SPOCK1: variants seen among roughly 807,000 people sequenced by gnomAD.
SPOCK1 encodes the protein SPARC (osteonectin), cwcv and kazal like domains proteoglycan 1, also known as testican-1.
Under a neutral mutation model 55.3 loss-of-function variants are expected in SPOCK1, and 23 were observed. The observed-to-expected ratio is 0.42, with a 90% CI of 0.30 to 0.59. The LOEUF is 0.59. Among genes scored for constraint, SPOCK1 ranks in the 20% least tolerant of loss-of-function variants. The pLI, the probability that SPOCK1 is intolerant of heterozygous loss-of-function variation, is 0.22. For missense variants in SPOCK1, 499 were observed against 552.5 expected (o/e 0.90, Z 0.97); for synonymous variants, 226 against 221.0 (o/e 1.02, Z -0.20).
chr5:137,030,470 G>A (rs2126985304), intron 6 of SPOCK1, among the ~76,000 whole-genome samples: 1 of 152,278 alleles, frequency 6.6e-6, no homozygotes, highest in South Asian at 2.1e-4. Flanking sequence ...ACTGCAGCTT[G>A]CCAAACAAAA....
At chr5:137,308,974 C>T (rs1757746066) in intron 2 of SPOCK1, among the ~76,000 whole-genome samples, 1 of 151,910 alleles carries the variant, frequency 6.6e-6, no homozygotes, top group Non-Finnish European at 1.5e-5. Context: ...GAGAAATATA[C>T]ATAACATTTT....
At chr5:137,369,679 AG>A (rs1313974208) in intron 2 of SPOCK1, among the ~76,000 whole-genome samples, 1 of 152,206 alleles carries the variant, frequency 6.6e-6, no homozygotes, top group Non-Finnish European at 1.5e-5. Context: ...ACAGTTCTAG[AG>A]GCTGCAAGTC....
intron 2 of SPOCK1, among the ~76,000 whole-genome samples, chr5:137,294,573 C>A (rs1486818577): frequency 6.6e-6 from 1 of 152,228 alleles, no homozygotes. Context: ...GTTGTCACCT[C>A]CCTTATCTCA....
intron 3 of SPOCK1, among the ~76,000 whole-genome samples, chr5:137,247,121 C>A (rs561567629): frequency 6.6e-6 from 1 of 152,134 alleles, no homozygotes; most frequent in Non-Finnish European, 1.5e-5. Flanking sequence ...GAAGAAACCA[C>A]GGAGGGAAGG....
At chr5:136,979,207 C>A in intron 10 of SPOCK1, 125 bp downstream of exon 10, 2 of 1,362,872 alleles carry the variant, frequency 1.5e-6, no homozygotes, top group East Asian at 2.3e-5. Flanking sequence ...GGTTACTATG[C>A]CTCTATTATA....
intron 6 of SPOCK1, chr5:136,992,872 T>C (rs1461347796): frequency 9.1e-6 from 3 of 328,844 alleles, no homozygotes; most frequent in Non-Finnish European, 1.7e-5. Flanking sequence ...GGTCTCACCG[T>C]TGTGTAGCAT....
At chr5:137,356,838 T>TATATATATATATAGAGAGAGAGAGAGAG (rs1554077335) in intron 2 of SPOCK1, among the ~76,000 whole-genome samples, 1 of 5,460 alleles carries the variant, frequency 1.8e-4, no homozygotes, top group Admixed American at 2.8e-3. Context: ...TATATATATA[T>TATATATATATATAGAGAGAGAGAGAGAG]AGAGAGAGAG....
intron 6 of SPOCK1, among the ~76,000 whole-genome samples, chr5:137,043,579 T>A (rs1053603101): frequency 6.6e-6 from 1 of 152,224 alleles, no homozygotes; most frequent in African/African-American, 2.4e-5. Context: ...GTCATATAGA[T>A]AAGCATGTAA....
chr5:137,452,270 T>C (rs995552872), intron 2 of SPOCK1, among the ~76,000 whole-genome samples: 2 of 152,232 alleles, frequency 1.3e-5, no homozygotes, highest in Admixed American at 1.3e-4. Context: ...CAAAATGATA[T>C]GATTAGATGA....
rs146951856 is a variant in SPOCK1, at chr5:137,193,713, G to T, written c.233-53019C>A. On this transcript the variant is annotated intron_variant, in intron 3 of 10. Coordinates refer to ENST00000394945, the MANE Select transcript of SPOCK1 (RefSeq NM_004598.4). Reference sequence around the variant, plus strand: ...TGCTTCATTCTGCCCTCAAACCTTTGGGTACAACTAGCAGAGAAAAATGAG... The same window carrying T: ...TGCTTCATTCTGCCCTCAAACCTTTTGGTACAACTAGCAGAGAAAAATGAG... 1.0e-3 allele frequency among the ~76,000 whole-genome samples: 154 copies of T among 152,276 alleles called. 1 individual carries two copies. Among genetic ancestry groups the T allele is most frequent in the African/African-American group, 3.6e-3 (151 of 41,548 alleles).
intron 6 of SPOCK1, among the ~76,000 whole-genome samples, chr5:137,028,404 A>G (rs1395179363): frequency 1.3e-5 from 2 of 152,204 alleles, no homozygotes; most frequent in Non-Finnish European, 2.9e-5. Context: ...ATTATCCAGC[A>G]CAGCAACACA....
intron 2 of SPOCK1, among the ~76,000 whole-genome samples, chr5:137,438,784 T>C (rs1452474977): frequency 6.6e-6 from 1 of 152,158 alleles, no homozygotes; most frequent in Admixed American, 6.5e-5. Context: ...GGCTGCTGAA[T>C]TGCAGAGAGA....
intron 3 of SPOCK1, among the ~76,000 whole-genome samples, chr5:137,164,687 G>T (rs984815574): frequency 5.3e-5 from 8 of 152,088 alleles, no homozygotes; most frequent in African/African-American, 1.9e-4. Context: ...AGAGCCCATT[G>T]CCCTGAAGGA....
In SPOCK1 at chr5:136,978,854, TAAA is replaced by T; in HGVS notation, c.1130-13_1130-11del. On this transcript the variant is annotated splice_polypyrimidine_tract_variant and intron_variant, in intron 10 of 10. Transcript: ENST00000394945. ...GTTTCCTGCTCCTCTTCTGAAAGAT[TAAA>T]AAAAGCATTGAGGTTAGTTTCCACT... 6.3e-7 allele frequency: 1 copy of T among 1,596,338 alleles called. No homozygotes were observed. Among genetic ancestry groups the T allele is most frequent in the South Asian group, 1.1e-5 (1 of 87,434 alleles).
intron 2 of SPOCK1, among the ~76,000 whole-genome samples, chr5:137,356,838 T>TATATATATATATATGGAGAGAG (rs1554077335): frequency 1.8e-4 from 1 of 5,460 alleles, no homozygotes; most frequent in Non-Finnish European, 3.1e-4. Flanking sequence ...TATATATATA[T>TATATATATATATATGGAGAGAG]AGAGAGAGAG....
intron 2 of SPOCK1, among the ~76,000 whole-genome samples, chr5:137,410,271 C>T (rs1050523946): frequency 2.0e-5 from 3 of 152,220 alleles, no homozygotes; most frequent in African/African-American, 7.2e-5. Context: ...TATCTAGACA[C>T]TCCACCACTG....
intron 3 of SPOCK1, among the ~76,000 whole-genome samples, chr5:137,246,329 A>T (rs1024997647): frequency 6.6e-6 from 1 of 152,218 alleles, no homozygotes; most frequent in African/African-American, 2.4e-5. Flanking sequence ...CTATCTATAA[A>T]GTGACCAGTA....
chr5:137,369,154 G>C (rs569175504), intron 2 of SPOCK1, among the ~76,000 whole-genome samples: 2 of 152,228 alleles, frequency 1.3e-5, no homozygotes, highest in Non-Finnish European at 2.9e-5. Flanking sequence ...AGCTGCTCCT[G>C]ATGACAAAGG....
At chr5:137,376,777 C>T (rs886263203) in intron 2 of SPOCK1, among the ~76,000 whole-genome samples, 3 of 152,000 alleles carry the variant, frequency 2.0e-5, no homozygotes, top group African/African-American at 7.3e-5. Context: ...AAGCTGTCTC[C>T]AACCTTTGTC....
Sources: gnomAD v4.1 joint callset for allele counts (sites outside exome capture counted in the v4.1 genomes callset) on GRCh38, gnomAD v4.1.1 for gene constraint, MANE v1.5 for transcripts, NCBI Gene and HGNC (gene_info 2026-07-23, HGNC 2026-07-21) for gene names.